SPDEF: variants seen among roughly 807,000 people sequenced by gnomAD.
SPDEF encodes the protein SAM pointed domain containing ETS transcription factor.
A neutral mutation model predicts 36.0 loss-of-function variants in SPDEF; 12 were observed. The ratio of observed to expected loss-of-function variants is 0.33; its 90% CI spans 0.21 to 0.54. The LOEUF (loss-of-function observed/expected upper bound fraction) is 0.54. SPDEF is among the 20% of genes least tolerant of loss of function. The pLI is 0.93. For synonymous variants in SPDEF, 205 were observed against 193.0 expected (o/e 1.06, Z -0.51); for missense variants, 388 against 456.9 (o/e 0.85, Z 1.37).
At chr6:34,554,921 G>A (rs1454055401) in intron 1 of SPDEF, among the ~76,000 whole-genome samples, 1 of 152,180 alleles carries the variant, frequency 6.6e-6, no homozygotes, top group South Asian at 2.1e-4. Flanking sequence ...TGGCCGAGGA[G>A]GAGGAGAAAG....
rs755477706 is a variant in SPDEF, at chr6:34,539,605, C to G, written c.635-43G>C. On this transcript the variant is annotated intron_variant, in intron 3 of 5. Coordinates refer to ENST00000374037, the MANE Select transcript of SPDEF (RefSeq NM_012391.3). This position sits in a 1 kb window ranked among gnomAD's most constrained non-coding sequence, Gnocchi z 5.2. The stretch of plus-strand genomic sequence containing the variant: ...GGGGTTGGGGACCCAGGAGAGGCCC[C>G]GAGGGTGGAGGAGGGGAGGCGTTTG... 4.5e-6 allele frequency: 7 copies of G among 1,551,100 alleles called. No homozygotes were observed. The South Asian group carries it at 7.1e-5, about 16-fold the overall frequency.
intron 1 of SPDEF, among the ~76,000 whole-genome samples, chr6:34,545,652 G>A (rs1472656792): frequency 3.3e-5 from 5 of 152,240 alleles, no homozygotes; most frequent in Non-Finnish European, 7.3e-5. Flanking sequence ...GCTCGTGACT[G>A]TAATCCTAGC....
Position 34,538,969 on chromosome 6 carries a change from A to G in SPDEF, c.829+281T>C, listed in dbSNP as rs1173355162. 6.6e-6 allele frequency among the ~76,000 whole-genome samples: 1 copy of G among 152,200 alleles called. No homozygotes were observed. Among genetic ancestry groups the G allele is most frequent in the Non-Finnish European group, 1.5e-5 (1 of 68,030 alleles). ...GCCCTCTCTGGCAGGATTAATTAAT[A>G]TGAGATGGTGGAGGGAGAGTGGATT... On this transcript the variant is annotated intron_variant, in intron 5 of 5. Coordinates refer to ENST00000374037, the MANE Select transcript of SPDEF (RefSeq NM_012391.3). The surrounding 1 kb of genome is among the most constrained non-coding windows in gnomAD (Gnocchi z 5.9).
Position 34,539,470 on chromosome 6 carries a change from A to G in SPDEF, c.682+45T>C, listed in dbSNP as rs774049919. The G allele has an allele frequency of 3.2e-6, 5 of 1,571,716 alleles. No individual in the cohort carries two copies. The East Asian group carries it at 1.2e-4, about 37-fold the overall frequency. On this transcript the variant is annotated intron_variant, in intron 4 of 5. Coordinates refer to ENST00000374037, the MANE Select transcript of SPDEF (RefSeq NM_012391.3). This position sits in a 1 kb window ranked among gnomAD's most constrained non-coding sequence, Gnocchi z 5.2. ...CGGCTTCATTGGCAGCCACCCCTCC[A>G]CCCCACCCGAGCCCCCGCCTCCACC...
In SPDEF at chr6:34,539,307, A is replaced by G; in HGVS notation, c.772T>C (p.Leu258=). The G allele has an allele frequency of 3.1e-6, 5 of 1,613,714 alleles. No individual in the cohort carries two copies. The highest frequency in any genetic ancestry group is 4.2e-6 in the Non-Finnish European group (5 of 1,179,986). ...PIHLWQFLKE[L]LLKPHSYGRF... The stretch of plus-strand genomic sequence containing the variant: ...CCATAGCTGTGGGGCTTGAGTAGCA[A>G]CTCCTTGAGGAACTGCCACAGGTGG... Residue 258 remains leucine, a synonymous_variant, in exon 5 of 6, where the codon TTG becomes CTG. Coordinates refer to ENST00000374037, the MANE Select transcript of SPDEF (RefSeq NM_012391.3). This position sits in a 1 kb window ranked among gnomAD's most constrained non-coding sequence, Gnocchi z 5.2.
Position 34,544,068 on chromosome 6 carries a change from C to T in SPDEF, c.388G>A (p.Val130Met), listed in dbSNP as rs768600116. ...EQVQSMVVGE[V>M]LKDIETACKL... ...CAGGCCGTCTCGATGTCCTTGAGCA[C>T]TTCGCCCACCACCATGGACTGCACC... The change falls in exon 2 of 6, where the codon GTG (valine) becomes ATG (methionine). Residue 130 changes from valine to methionine, a missense_variant. Transcript: ENST00000374037. This position sits in a 1 kb window ranked among gnomAD's most constrained non-coding sequence, Gnocchi z 4.4. The T allele has an allele frequency of 1.9e-6, 3 of 1,613,080 alleles. No homozygotes were observed. Among genetic ancestry groups the T allele is most frequent in the South Asian group, 2.2e-5 (2 of 90,976 alleles).
In SPDEF at chr6:34,539,093, G is replaced by A. The variant is rs1419829839; in HGVS notation, c.829+157C>T. Among the ~76,000 whole-genome samples, 1 of 152,138 alleles carries A rather than the reference G, an allele frequency of 6.6e-6. No homozygotes were observed. Among genetic ancestry groups the A allele is most frequent in the Non-Finnish European group, 1.5e-5 (1 of 68,024 alleles). ...ACACAGATTGCACACAGACCCCAGG[G>A]CTGTCCCATGAGAGCTGCATATTTG... On this transcript the variant is annotated intron_variant, in intron 5 of 5. Transcript: ENST00000374037. This position sits in a 1 kb window ranked among gnomAD's most constrained non-coding sequence, Gnocchi z 5.2.
chr6:34,541,286 G>T, intron 2 of SPDEF, 105 bp from the exon 3 acceptor site: 2 of 1,184,880 alleles, frequency 1.7e-6, no homozygotes, highest in East Asian at 2.6e-5. Flanking sequence ...TGCTCTTGGG[G>T]ATGGGGATAG....
At chr6:34,553,905 C>T (rs1768114115) in intron 1 of SPDEF, among the ~76,000 whole-genome samples, 1 of 148,890 alleles carries the variant, frequency 6.7e-6, no homozygotes, top group African/African-American at 2.5e-5. Context: ...GCCCCACCCA[C>T]TTCCCCCCGG....
chr6:34,553,927 G>T (rs1168241233), intron 1 of SPDEF, among the ~76,000 whole-genome samples: 1 of 13,744 alleles, frequency 7.3e-5, no homozygotes, highest in Non-Finnish European at 1.5e-4. Flanking sequence ...CCCCGCACCC[G>T]CCACCACCCC....
Position 34,538,649 on chromosome 6 carries a change from T to G in SPDEF, c.830-197A>C, listed in dbSNP as rs1470559030. On this transcript the variant is annotated intron_variant, in intron 5 of 5. Transcript: ENST00000374037. The surrounding 1 kb of genome is among the most constrained non-coding windows in gnomAD (Gnocchi z 5.9). ...GTTGCGGTGAGGTTAAAGAGACGTG[T>G]GCAAAGCAGGTGCCACAGGCCCCAG... 6.6e-6 allele frequency among the ~76,000 whole-genome samples: 1 copy of G among 152,052 alleles called. No individual in the cohort carries two copies. Among genetic ancestry groups the G allele is most frequent in the Non-Finnish European group, 1.5e-5 (1 of 67,980 alleles).
rs1339961312 is a variant in SPDEF at position 34,544,656 on chromosome 6, G to T, written c.-29-172C>A. Among the ~76,000 whole-genome samples, 2 of 152,194 alleles carry T rather than the reference G, an allele frequency of 1.3e-5. No individual in the cohort carries two copies. The highest frequency in any genetic ancestry group is 2.9e-5 in the Non-Finnish European group (2 of 68,030). ...CATGGTTGGGCAGACAGGCCTTCTG[G>T]CTGGGAAAGACAGCGAGGTGGGAGT... On this transcript the variant is annotated intron_variant, in intron 1 of 5. Coordinates refer to ENST00000374037, the MANE Select transcript of SPDEF (RefSeq NM_012391.3). This position sits in a 1 kb window ranked among gnomAD's most constrained non-coding sequence, Gnocchi z 4.4.
chr6:34,551,114 C>T (rs115655366), intron 1 of SPDEF, among the ~76,000 whole-genome samples: 1,785 of 152,296 alleles, frequency 0.012, 16 homozygotes, highest in Middle Eastern at 0.031. Flanking sequence ...AGCAGGGACT[C>T]GAACTCAAGA....
At chr6:34,551,308 C>T (rs1768057450) in intron 1 of SPDEF, among the ~76,000 whole-genome samples, 3 of 152,210 alleles carry the variant, frequency 2.0e-5, no homozygotes, top group Non-Finnish European at 2.9e-5. Context: ...AGAGGCCCAC[C>T]GCAGCCCCAA....
In SPDEF at chr6:34,544,410, G is replaced by A; in HGVS notation, c.46C>T (p.Leu16Phe). Residue 16 changes from leucine (L) to phenylalanine (F), a missense_variant, in exon 2 of 6, where the codon CTC becomes TTC. This residue lies in a region of SPDEF where 308 missense variants were observed against 326.1 expected (regional missense o/e 0.94). Coordinates refer to ENST00000374037, the MANE Select transcript of SPDEF (RefSeq NM_012391.3). This position sits in a 1 kb window ranked among gnomAD's most constrained non-coding sequence, Gnocchi z 4.4. Reference protein sequence around the residue: ...PGLSSVSPSHLLLPPDTVSRT... With the variant: ...PGLSSVSPSHFLLPPDTVSRT... ...GACACCGTGTCGGGGGGCAGCAGGA[G>A]GTGGCTGGGGGATACGCTGCTCAGA... 6.3e-7 allele frequency: 1 copy of A among 1,586,754 alleles called. No individual in the cohort carries two copies. Among genetic ancestry groups the A allele is most frequent in the Non-Finnish European group, 8.6e-7 (1 of 1,164,446 alleles).
rs984478372 is a variant in SPDEF, at chr6:34,537,967, C to A, written c.*307G>T. 3 of 313,968 alleles carry A rather than the reference C, an allele frequency of 9.6e-6. No individual in the cohort carries two copies. The highest frequency in any genetic ancestry group is 1.8e-5 in the Non-Finnish European group (3 of 167,206). The allele number at this position is 313,968 out of a possible 1,614,324, so 19.4% of individuals were successfully genotyped here. On this transcript the variant is annotated 3_prime_UTR_variant, in exon 6 of 6. Coordinates refer to ENST00000374037, the MANE Select transcript of SPDEF (RefSeq NM_012391.3). ...GCCTGTGGCCTTTGTCGAGTCACTG[C>A]CCTTCTGTAGGCTCTGCTCTGGAAA...
intron 2 of SPDEF, among the ~76,000 whole-genome samples, chr6:34,542,904 A>G (rs1322288963): frequency 1.1e-3 from 160 of 149,464 alleles, no homozygotes; most frequent in Admixed American, 4.3e-3. Flanking sequence ...AAAAAAAAAA[A>G]AAGAAGAGGC....
rs1767743396 is a variant in SPDEF at position 34,538,521 on chromosome 6, C to A, written c.830-69G>T. ...TGGCAAGAAGGAGAAAGACGCAGAC[C>A]ACCAGGTCAGCCTCGTGGCGAACCA... On this transcript the variant is annotated intron_variant, in intron 5 of 5. Coordinates refer to ENST00000374037, the MANE Select transcript of SPDEF (RefSeq NM_012391.3). This position sits in a 1 kb window ranked among gnomAD's most constrained non-coding sequence, Gnocchi z 5.9. 2 of 1,502,280 alleles carry A rather than the reference C, an allele frequency of 1.3e-6. No individual in the cohort carries two copies. Among genetic ancestry groups the A allele is most frequent in the South Asian group, 2.5e-5 (2 of 80,952 alleles). 93.1% of individuals were successfully genotyped at this position (1,502,280 alleles called of 1,614,324 possible).
Position 34,539,294 on chromosome 6 carries a change from G to C in SPDEF, c.785C>G (p.Pro262Arg). The stretch of plus-strand genomic sequence containing the variant: ...CCTAATGAAGCGGCCATAGCTGTGG[G>C]GCTTGAGTAGCAACTCCTTGAGGAA... ...WQFLKELLLKPHSYGRFIRWL... is the reference protein window; with the variant it reads ...WQFLKELLLKRHSYGRFIRWL... The change falls in exon 5 of 6, where the codon CCC becomes CGC. Residue 262 changes from proline (P) to arginine (R), a missense_variant. Around this residue, in one of 2 missense-constraint regions of SPDEF, gnomAD observed 80 missense variants for 130.8 expected, o/e 0.61. Coordinates refer to ENST00000374037, the MANE Select transcript of SPDEF (RefSeq NM_012391.3). This position sits in a 1 kb window ranked among gnomAD's most constrained non-coding sequence, Gnocchi z 5.2. 6.2e-7 allele frequency: 1 copy of C among 1,613,954 alleles called. No individual in the cohort carries two copies. The highest frequency in any genetic ancestry group is 8.5e-7 in the Non-Finnish European group (1 of 1,180,044).
Sources: gnomAD v4.1 joint callset for allele counts (sites outside exome capture counted in the v4.1 genomes callset) on GRCh38, gnomAD v4.1.1 for gene constraint, gnomAD v4.1.1 regional missense constraint, Gnocchi (gnomAD v3.1) non-coding constraint, MANE v1.5 for transcripts, NCBI Gene and HGNC (gene_info 2026-07-23, HGNC 2026-07-21) for gene names.